IGSF11: variants seen among roughly 807,000 people sequenced by gnomAD.
The protein encoded by IGSF11 is CXADR like 1.
Under a neutral mutation model 41.0 loss-of-function variants are expected in IGSF11, and 22 were observed. The observed-to-expected ratio is 0.54, with a 90% confidence interval of 0.38 to 0.77. The LOEUF (loss-of-function observed/expected upper bound fraction) is 0.77. Among genes scored for constraint, IGSF11 ranks in the 30% least tolerant of loss-of-function variants. The pLI, the probability that IGSF11 is intolerant of heterozygous loss-of-function variation, is 0.00. For synonymous variants in IGSF11, 219 were observed against 201.3 expected (o/e 1.09, Z -0.74); for missense variants, 444 against 530.8 (o/e 0.84, Z 1.61).
In IGSF11 at chr3:119,005,286, C is replaced by T. The variant is rs1420259801; in HGVS notation, c.52+29245G>A. Among the ~76,000 whole-genome samples the T allele has an allele frequency of 4.8e-5, 7 of 146,558 alleles. 1 individual carries two copies. The highest frequency in any genetic ancestry group is 1.3e-4 in the African/African-American group (5 of 38,108). The stretch of plus-strand genomic sequence containing the variant: ...TTTTATCAGAGACTAGGATTGCAAC[C>T]CCTGCCTTTTTTTGTTTTCCATTTG... On this transcript the variant is annotated intron_variant, in intron 1 of 6. Coordinates refer to ENST00000393775, the MANE Select transcript of IGSF11 (RefSeq NM_001015887.3).
intron 1 of IGSF11, among the ~76,000 whole-genome samples, chr3:119,079,430 T>C (rs547550773): frequency 4.8e-4 from 73 of 152,268 alleles, no homozygotes; most frequent in Admixed American, 1.4e-3. Context: ...TTATACTCTG[T>C]TGATGGGAAT....
chr3:119,071,990 G>A (rs571753617), intron 1 of IGSF11, among the ~76,000 whole-genome samples: 123 of 151,828 alleles, frequency 8.1e-4, no homozygotes, highest in Non-Finnish European at 1.1e-3. Context: ...ACTTATTTAG[G>A]TATTCTTTAA....
intron 1 of IGSF11, among the ~76,000 whole-genome samples, chr3:119,125,381 G>A (rs1235300706): frequency 6.6e-6 from 1 of 152,196 alleles, no homozygotes; most frequent in Non-Finnish European, 1.5e-5. Flanking sequence ...GGTCTGCAAA[G>A]GGTGGTGGGA....
At chr3:119,122,419 C>T (rs1037175692) in intron 1 of IGSF11, among the ~76,000 whole-genome samples, 1 of 152,204 alleles carries the variant, frequency 6.6e-6, no homozygotes, top group East Asian at 1.9e-4. Context: ...GAAAGTCTTG[C>T]CACTGTGGGT....
intron 1 of IGSF11, among the ~76,000 whole-genome samples, chr3:119,118,835 C>A (rs760109498): frequency 6.6e-6 from 1 of 152,210 alleles, no homozygotes; most frequent in African/African-American, 2.4e-5. Context: ...ACCCCTAAAT[C>A]ATCTCTCCCA....
chr3:119,123,668 G>A (rs935637368), intron 1 of IGSF11, among the ~76,000 whole-genome samples: 4 of 152,324 alleles, frequency 2.6e-5, no homozygotes, highest in African/African-American at 9.6e-5. Flanking sequence ...CAGAGAGAGA[G>A]AGAGAGACTG....
At chr3:119,081,492 A>G (rs1279351427) in intron 1 of IGSF11, among the ~76,000 whole-genome samples, 1 of 152,178 alleles carries the variant, frequency 6.6e-6, no homozygotes, top group Non-Finnish European at 1.5e-5. Context: ...TATTTTATAT[A>G]CACTAAGTAT....
chr3:118,913,049 A>C (rs1940541490), intron 4 of IGSF11, among the ~76,000 whole-genome samples: 2 of 152,110 alleles, frequency 1.3e-5, no homozygotes, highest in Admixed American at 6.6e-5. Flanking sequence ...TCAATGGATA[A>C]GCTGAACAGC....
At chr3:118,948,058 C>T (rs1428419311) in intron 1 of IGSF11, 3 of 151,652 alleles carry the variant, frequency 2.0e-5, no homozygotes, top group East Asian at 1.9e-4. Context: ...AATTCTATCC[C>T]GTGTATGTGT....
chr3:119,031,151 G>C (rs1559817991), intron 1 of IGSF11, among the ~76,000 whole-genome samples: 1 of 152,114 alleles, frequency 6.6e-6, no homozygotes, highest in Non-Finnish European at 1.5e-5. Flanking sequence ...TGGCTACTCG[G>C]GAGGCTGAGG....
intron 1 of IGSF11, among the ~76,000 whole-genome samples, chr3:118,964,286 T>C (rs950167142): frequency 6.6e-6 from 1 of 152,148 alleles, no homozygotes; most frequent in African/African-American, 2.4e-5. Flanking sequence ...GAAAGTTGGG[T>C]GGGTTAAATC....
chr3:119,122,425 T>C (rs1249074615), intron 1 of IGSF11, among the ~76,000 whole-genome samples: 1 of 152,250 alleles, frequency 6.6e-6, no homozygotes, highest in African/African-American at 2.4e-5. Context: ...CTTGCCACTG[T>C]GGGTTGAAAT....
chr3:119,045,508 C>T lies in IGSF11; in HGVS notation c.49+59636G>A, dbSNP rs560697084. The stretch of plus-strand genomic sequence containing the variant: ...CGGAGGGTCCTACTCCACGGAGTCT[C>T]GCTGATTGCTAGCACAGCAGTCTGA... On this transcript the variant is annotated intron_variant, in intron 1 of 6. Transcript: ENST00000354673. Among the ~76,000 whole-genome samples the T allele has an allele frequency of 3.9e-5, 6 of 152,298 alleles. No individual in the cohort carries two copies. In the East Asian group the frequency reaches 5.8e-4, roughly 15 times the overall value.
chr3:118,942,212 C>T lies in IGSF11; in HGVS notation c.53-11937G>A, dbSNP rs141033499. Reference sequence around the variant, plus strand: ...AGAATCATGGAAATGGCTTGAAAAACAAATTAAGGGCTAATCTTCCAGGAA... The same window carrying T: ...AGAATCATGGAAATGGCTTGAAAAATAAATTAAGGGCTAATCTTCCAGGAA... On this transcript the variant is annotated intron_variant, in intron 1 of 6. Coordinates refer to ENST00000393775, the MANE Select transcript of IGSF11 (RefSeq NM_001015887.3). 9.7e-4 allele frequency among the ~76,000 whole-genome samples: 147 copies of T among 152,206 alleles called. 3 individuals carry two copies. The East Asian group carries it at 0.027, about 28-fold the overall frequency.
At chr3:118,917,127 T>C (rs1941214526) in intron 4 of IGSF11, among the ~76,000 whole-genome samples, 2 of 151,442 alleles carry the variant, frequency 1.3e-5, no homozygotes, top group South Asian at 2.1e-4. Context: ...GGGAAATTTA[T>C]AGCACTAAAT....
chr3:118,943,636 G>C (rs1943886750), intron 1 of IGSF11, among the ~76,000 whole-genome samples: 1 of 152,276 alleles, frequency 6.6e-6, no homozygotes, highest in Middle Eastern at 3.4e-3. Context: ...TTTTAACTTG[G>C]ATAATGAATA....
intron 2 of IGSF11, 97 bp from the exon 3 acceptor site, chr3:118,928,813 A>T: frequency 1.2e-6 from 1 of 832,986 alleles, no homozygotes; most frequent in Non-Finnish European, 1.9e-6. Context: ...GCTGCACCAA[A>T]CATTGGAAAA....
intron 1 of IGSF11, among the ~76,000 whole-genome samples, chr3:119,074,864 A>T (rs2107472078): frequency 6.6e-6 from 1 of 152,248 alleles, no homozygotes; most frequent in African/African-American, 2.4e-5. Flanking sequence ...AAAAATAAAT[A>T]AAATAAACAA....
At position 119,073,109 on chromosome 3, in the gene IGSF11, A is replaced by T. The variant is rs143292475; in HGVS notation, c.49+32035T>A. ...AGACAGAGTGGTGATTGGTGTGTTTATAAACCTTGAGCTAGACACAGAGTG... is the reference window on the plus strand; with the variant it reads ...AGACAGAGTGGTGATTGGTGTGTTTTTAAACCTTGAGCTAGACACAGAGTG... On this transcript the variant is annotated intron_variant, in intron 1 of 6. Transcript: ENST00000354673. Among the ~76,000 whole-genome samples the T allele has an allele frequency of 7.2e-5, 11 of 152,220 alleles. No individual in the cohort carries two copies. The East Asian group carries it at 2.1e-3, about 29-fold the overall frequency.
Sources: gnomAD v4.1 joint callset for allele counts (sites outside exome capture counted in the v4.1 genomes callset) on GRCh38, gnomAD v4.1.1 for gene constraint, MANE v1.5 for transcripts, NCBI Gene and HGNC (gene_info 2026-07-23, HGNC 2026-07-21) for gene names.